CYP11A1: variants seen among roughly 807,000 people sequenced by gnomAD.
CYP11A1 encodes cytochrome P450 family 11 subfamily A member 1.
A neutral mutation model predicts 51.9 loss-of-function variants in CYP11A1; 25 were observed. The observed-to-expected ratio is 0.48, with a 90% CI of 0.35 to 0.67. The LOEUF (loss-of-function observed/expected upper bound fraction) is 0.67, where lower values mean the gene tolerates loss of function less well. Among genes scored for constraint, CYP11A1 ranks in the 30% least tolerant of loss-of-function variants. The pLI is 0.00. For missense variants in CYP11A1, 578 were observed against 680.9 expected, an observed-to-expected ratio of 0.85 and a Z score of 1.68; for synonymous variants, 245 against 262.1, an observed-to-expected ratio of 0.93 and a Z score of 0.63.
At position 74,348,119 on chromosome 15, in the gene CYP11A1, C is replaced by T. The variant is rs145527597; in HGVS notation, c.270-64G>A. The T allele has an allele frequency of 1.2e-4, 193 of 1,574,562 alleles. 1 individual carries two copies. In the Middle Eastern group the frequency reaches 2.2e-3, roughly 18 times the overall value. On this transcript the variant is annotated intron_variant, in intron 1 of 8. Transcript: ENST00000268053. ...AGGAGAGCTATGGATACAGGCTCAG[C>T]ACAGCTGCCTCACAGTTCCACAACT...
intron 1 of CYP11A1, chr15:74,363,778 C>G (rs1373321672): frequency 6.6e-6 from 1 of 152,114 alleles, no homozygotes; most frequent in African/African-American, 2.4e-5. Context: ...ACCAGAAACC[C>G]AAAATGATGG....
intron 1 of CYP11A1, among the ~76,000 whole-genome samples, chr15:74,351,792 T>G (rs2060657670): frequency 6.6e-6 from 1 of 152,226 alleles, no homozygotes; most frequent in South Asian, 2.1e-4. Context: ...GTATCCAGGC[T>G]TTTGTGCTGC....
intron 3 of CYP11A1, 152 bp downstream of exon 3, chr15:74,344,892 A>C (rs2060624617): frequency 1.3e-6 from 1 of 788,698 alleles, no homozygotes; most frequent in African/African-American, 1.7e-5. Context: ...ATTGCCTCTG[A>C]GTAGCAGGCA....
chr15:74,338,604 G>C lies in CYP11A1; in HGVS notation c.1401C>G (p.Ile467Met), dbSNP rs781028010. 1 of 1,614,020 alleles carries C rather than the reference G, an allele frequency of 6.2e-7. No homozygotes were observed. Among genetic ancestry groups the C allele is most frequent in the Non-Finnish European group, 8.5e-7 (1 of 1,180,030 alleles). The change falls in exon 8 of 9, where the codon ATC becomes ATG. Residue 467 changes from isoleucine (I) to methionine (M), a missense_variant. Ile to Met is a conservative substitution (Grantham distance 10). Coordinates refer to ENST00000268053, the MANE Select transcript of CYP11A1 (RefSeq NM_000781.3). ...GGAAGATGGTCATCTCTAGCTCAGC[G>C]ATCCGCCGTCCCAGACACTGCCGCA... ...WGVRQCLGRR[I>M]AELEMTIFLI...
intron 1 of CYP11A1, chr15:74,350,180 A>G (rs2060649661): frequency 5.7e-6 from 2 of 350,422 alleles, no homozygotes; most frequent in African/African-American, 4.5e-5. Flanking sequence ...TGATACTTAA[A>G]TGTTAAATCA....
intron 1 of CYP11A1, 81 bp downstream of exon 1, chr15:74,367,236 G>C: frequency 6.6e-7 from 1 of 1,512,222 alleles, no homozygotes; most frequent in Non-Finnish European, 9.2e-7. Flanking sequence ...ACAGCCTGTT[G>C]GGGGAGTGGG....
At chr15:74,355,706 T>G (rs1596165387) in intron 1 of CYP11A1, among the ~76,000 whole-genome samples, 1 of 152,226 alleles carries the variant, frequency 6.6e-6, no homozygotes, top group African/African-American at 2.4e-5. Context: ...CTCCCCCATC[T>G]GCCCAGTAAT....
At position 74,337,988 on chromosome 15, in the gene CYP11A1, T is replaced by C; in HGVS notation, c.1550A>G (p.Glu517Gly). Residue 517 changes from glutamate (E) to glycine (G), a missense_variant, in exon 9 of 9, where the codon GAA (glutamate) becomes GGA (glycine). Coordinates refer to ENST00000268053, the MANE Select transcript of CYP11A1 (RefSeq NM_000781.3). ...CCTCTCTGATCACTGCTGGGTTGCT[T>C]CCTGGTTAAAGGGCCAGAAGGTGAA... The part of the protein sequence containing the change: ...ISFTFWPFNQ[E>G]ATQQ The C allele has an allele frequency of 6.2e-7, 1 of 1,614,068 alleles. No homozygotes were observed. Among genetic ancestry groups the C allele is most frequent in the Non-Finnish European group, 8.5e-7 (1 of 1,180,000 alleles).
intron 1 of CYP11A1, chr15:74,366,231 G>A (rs865991225): frequency 2.0e-6 from 2 of 984,770 alleles, no homozygotes; most frequent in South Asian, 4.7e-5. Flanking sequence ...TGACCACGCT[G>A]CGACCTTTTC....
chr15:74,361,698 G>T, intron 1 of CYP11A1: 2 of 1,234,592 alleles, frequency 1.6e-6, no homozygotes, highest in African/African-American at 1.5e-5. Context: ...TGGTTATAAG[G>T]GTTCCTGCTT....
Position 74,345,990 on chromosome 15 carries a change from AT to A in CYP11A1, c.426-748del, listed in dbSNP as rs2060630912. ...AATCCCTTGCTCTCATTTGTGTCTA[AT>A]TTTATCTGATCTCCATTTATTCCCA... On this transcript the variant is annotated intron_variant, in intron 2 of 8. Coordinates refer to ENST00000268053, the MANE Select transcript of CYP11A1 (RefSeq NM_000781.3). This position sits in a 1 kb window ranked among gnomAD's most constrained non-coding sequence, Gnocchi z 4.3. 6.6e-6 allele frequency among the ~76,000 whole-genome samples: 1 copy of A among 152,188 alleles called. No homozygotes were observed. Among genetic ancestry groups the A allele is most frequent in the Non-Finnish European group, 1.5e-5 (1 of 68,040 alleles).
intron 1 of CYP11A1, among the ~76,000 whole-genome samples, chr15:74,352,150 A>C (rs2060659149): frequency 6.6e-6 from 1 of 152,244 alleles, no homozygotes; most frequent in Non-Finnish European, 1.5e-5. Context: ...ACGTGACTTA[A>C]AGTATAACTT....
At position 74,343,157 on chromosome 15, in the gene CYP11A1, A is replaced by G; in HGVS notation, c.830-20T>C. 1.9e-6 allele frequency: 3 copies of G among 1,613,246 alleles called. No homozygotes were observed. The highest frequency in any genetic ancestry group is 2.5e-6 in the Non-Finnish European group (3 of 1,179,954). The stretch of plus-strand genomic sequence containing the variant: ...TGTCAGCTGTGGGGAAGGAGGAAAG[A>G]AAAAAGAGTGAGGTTCCCTGCAGGC... On this transcript the variant is annotated intron_variant, in intron 4 of 8. Transcript: ENST00000268053.
chr15:74,343,078 C>T lies in CYP11A1; in HGVS notation c.889G>A (p.Asp297Asn), dbSNP rs777640411. 1.1e-5 allele frequency: 17 copies of T among 1,613,756 alleles called. 1 individual carries two copies. The highest frequency in any genetic ancestry group is 4.5e-5 in the East Asian group (2 of 44,892). Residue 297 changes from aspartate (D) to asparagine (N), a missense_variant, in exon 5 of 9, where the codon GAT becomes AAT. By Grantham distance (23) the Asp-to-Asn change is conservative (BLOSUM62 1). Transcript: ENST00000268053. Reference protein sequence around the residue: ...ELRQKGSVHHDYRGILYRLLG... With the variant: ...ELRQKGSVHHNYRGILYRLLG... ...AGTCTGTAGAGGATGCCACGGTAAT[C>T]GTGGTGAACACTTCCTTTCTGTCTC...
In CYP11A1 at chr15:74,338,603, C is replaced by T. The variant is rs757055824; in HGVS notation, c.1402G>A (p.Ala468Thr). 6.8e-6 allele frequency: 11 copies of T among 1,614,020 alleles called. No individual in the cohort carries two copies. In the Admixed American group the frequency reaches 8.3e-5, roughly 12 times the overall value. ...AGGAAGATGGTCATCTCTAGCTCAG[C>T]GATCCGCCGTCCCAGACACTGCCGC... ...GVRQCLGRRI[A>T]ELEMTIFLIN... Residue 468 changes from alanine to threonine, a missense_variant, in exon 8 of 9, where the codon GCT becomes ACT. Ala to Thr is a moderately conservative substitution (Grantham distance 58). Coordinates refer to ENST00000268053, the MANE Select transcript of CYP11A1 (RefSeq NM_000781.3).
chr15:74,345,277 C>T lies in CYP11A1; in HGVS notation c.426-34G>A, dbSNP rs531481036. On this transcript the variant is annotated intron_variant, in intron 2 of 8. Transcript: ENST00000268053. This position sits in a 1 kb window ranked among gnomAD's most constrained non-coding sequence, Gnocchi z 4.3. ...ACATGGGCCCACAAGCCCTCATGGT[C>T]ACAGACCCCAGGCCTGGTGAACACA... The T allele has an allele frequency of 1.9e-6, 3 of 1,612,550 alleles. No homozygotes were observed. In the South Asian group the frequency reaches 3.3e-5, roughly 18 times the overall value.
intron 8 of CYP11A1, 99 bp from the exon 9 acceptor site, chr15:74,338,202 T>G (rs188046358): frequency 6.8e-7 from 1 of 1,460,896 alleles, no homozygotes; most frequent in East Asian, 2.3e-5. Context: ...GAGTGTGATT[T>G]GAGGAGTTCC....
At chr15:74,350,381 G>A (rs756830654) in intron 1 of CYP11A1, 1 of 181,308 alleles carries the variant, frequency 5.5e-6, no homozygotes, top group Non-Finnish European at 1.3e-5. Context: ...GACACACAGA[G>A]CTGGAAGTCA....
At chr15:74,357,634 T>C (rs1457509061) in intron 1 of CYP11A1, among the ~76,000 whole-genome samples, 1 of 151,824 alleles carries the variant, frequency 6.6e-6, no homozygotes, top group Non-Finnish European at 1.5e-5. Context: ...ACTAGCTCTC[T>C]CTAACTCATC....
Sources: allele counts gnomAD v4.1 joint callset (sites outside exome capture counted in the v4.1 genomes callset), GRCh38; gene constraint gnomAD v4.1.1; non-coding constraint Gnocchi (gnomAD v3.1); transcripts MANE v1.5; gene names NCBI Gene and HGNC (gene_info 2026-07-23, HGNC 2026-07-21).